SHB: variants seen among roughly 807,000 people sequenced by gnomAD.
SHB encodes SH2 domain-containing adapter protein B.
A neutral mutation model predicts 52.3 loss-of-function variants in SHB; 20 were observed. The ratio of observed to expected loss-of-function variants is 0.38; its 90% confidence interval spans 0.27 to 0.56. SHB has a LOEUF of 0.56. Ranked by LOEUF, SHB falls within the 20% of genes least tolerant of loss-of-function variation. The pLI is 0.71. For missense variants in SHB, 825 were observed against 723.3 expected, an observed-to-expected ratio of 1.14 and a Z score of -1.61; for synonymous variants, 397 against 316.5, an observed-to-expected ratio of 1.25 and a Z score of -2.70.
intron 5 of SHB, among the ~76,000 whole-genome samples, chr9:37,942,344 T>C (rs544179784): frequency 6.6e-6 from 1 of 152,340 alleles, no homozygotes; most frequent in Admixed American, 6.5e-5. Context: ...GGGACCTTCC[T>C]GCCATCCTTG....
chr9:38,054,154 C>A (rs1821783839), intron 1 of SHB, among the ~76,000 whole-genome samples: 1 of 152,190 alleles, frequency 6.6e-6, no homozygotes, highest in Admixed American at 6.5e-5. Flanking sequence ...GGACTTCCGA[C>A]CCTAAAGCCA....
chr9:37,928,639 C>G (rs1221830628), intron 5 of SHB, among the ~76,000 whole-genome samples: 6 of 152,232 alleles, frequency 3.9e-5, no homozygotes, highest in Admixed American at 2.0e-4. Context: ...ACGGCCAGTG[C>G]CTCAAATTCT....
intron 1 of SHB, among the ~76,000 whole-genome samples, chr9:38,063,804 T>G (rs1034284329): frequency 6.6e-6 from 1 of 151,992 alleles, no homozygotes; most frequent in Non-Finnish European, 1.5e-5. Context: ...TGTTTTTTTT[T>G]TTTTTTTTTT....
Position 38,068,007 on chromosome 9 carries a change from C to T in SHB, c.639G>A (p.Thr213=), listed in dbSNP as rs761954705. 2.6e-6 allele frequency: 4 copies of T among 1,525,810 alleles called. No individual in the cohort carries two copies. Among genetic ancestry groups the T allele is most frequent in the Admixed American group, 2.0e-5 (1 of 49,492 alleles). The allele number at this position is 1,525,810 out of a possible 1,614,324, so 94.5% of individuals were successfully genotyped here. ...TGAGCAGTTTCTTGCCTCCGCAGGCCGTCGGGCTCCAGGTGCGGCCGCCCG... is the reference window on the plus strand; with the variant it reads ...TGAGCAGTTTCTTGCCTCCGCAGGCTGTCGGGCTCCAGGTGCGGCCGCCCG... ...ACAGGRTWSP[T]ACGGKKLLNK... The change falls in exon 1 of 6, where the codon ACG becomes ACA. Residue 213 remains threonine (T), a synonymous_variant. Transcript: ENST00000377707.
chr9:37,934,157 G>C (rs1832343022), intron 5 of SHB, among the ~76,000 whole-genome samples: 1 of 152,140 alleles, frequency 6.6e-6, no homozygotes, highest in African/African-American at 2.4e-5. Context: ...ACTCCTTTTT[G>C]GGGTCTGCGG....
chr9:38,032,816 A>G (rs1011716662), intron 1 of SHB, among the ~76,000 whole-genome samples: 2 of 152,348 alleles, frequency 1.3e-5, no homozygotes, highest in Admixed American at 1.3e-4. Flanking sequence ...AGTTGTCCCC[A>G]TGGAGAGGCC....
chr9:38,015,521 C>T (rs997316436), intron 2 of SHB: 1 of 698,456 alleles, frequency 1.4e-6, no homozygotes, highest in Non-Finnish European at 2.6e-6. Flanking sequence ...CTTCCAGCTC[C>T]AAAACAAAGA....
chr9:37,976,718 T>C (rs1468648504), intron 2 of SHB, among the ~76,000 whole-genome samples: 1 of 152,042 alleles, frequency 6.6e-6, no homozygotes, highest in Non-Finnish European at 1.5e-5. Context: ...GGAGCAGAGG[T>C]GAGCCTTGAT....
chr9:37,955,236 G>A (rs1461899415), intron 4 of SHB, among the ~76,000 whole-genome samples: 1 of 152,214 alleles, frequency 6.6e-6, no homozygotes, highest in Non-Finnish European at 1.5e-5. Context: ...TAAAAAGGAG[G>A]AGTGCACCCT....
chr9:38,068,012 G>C lies in SHB; in HGVS notation c.634C>G (p.Pro212Ala). The C allele has an allele frequency of 6.6e-7, 1 of 1,519,436 alleles. No individual in the cohort carries two copies. The highest frequency in any genetic ancestry group is 8.8e-7 in the Non-Finnish European group (1 of 1,142,072). The allele number at this position is 1,519,436 out of a possible 1,614,324, so 94.1% of individuals were successfully genotyped here. A position where few individuals can be genotyped will look rare whatever the true frequency, so the allele number is the denominator to read the frequency against. The part of the protein sequence containing the change: ...GACAGGRTWS[P>A]TACGGKKLLN... ...AGTTTCTTGCCTCCGCAGGCCGTCG[G>C]GCTCCAGGTGCGGCCGCCCGCGCAG... Residue 212 changes from proline (P) to alanine (A), a missense_variant, in exon 1 of 6, where the codon CCG (proline) becomes GCG (alanine). Physicochemically the swap from Pro to Ala is conservative, Grantham distance 27 (BLOSUM62 -1). Transcript: ENST00000377707.
At position 38,068,523 on chromosome 9, in the gene SHB, G is replaced by C. The variant is rs766680506; in HGVS notation, c.123C>G (p.Pro41=). Residue 41 remains proline (P), a synonymous_variant, in exon 1 of 6, where the codon CCC becomes CCG. Transcript: ENST00000377707. ...CGGAGGAGGCCTGCGGCACGGCCTGGGGGGGCTGCGAAGGCCGCTCGCCTC... is the reference window on the plus strand; with the variant it reads ...CGGAGGAGGCCTGCGGCACGGCCTGCGGGGGCTGCGAAGGCCGCTCGCCTC... ...RRRGERPSQP[P]QAVPQASSAA... 6 of 1,463,562 alleles carry C rather than the reference G, an allele frequency of 4.1e-6. No individual in the cohort carries two copies. The highest frequency in any genetic ancestry group is 4.5e-6 in the Non-Finnish European group (5 of 1,118,086). 90.7% of individuals were successfully genotyped at this position (1,463,562 alleles called of 1,614,324 possible). A position where few individuals can be genotyped will look rare whatever the true frequency, so the allele number is the denominator to read the frequency against.
At chr9:38,003,182 G>C in intron 2 of SHB, among the ~76,000 whole-genome samples, 1 of 152,098 alleles carries the variant, frequency 6.6e-6, no homozygotes, top group East Asian at 1.9e-4. Flanking sequence ...CTGGGGATGA[G>C]AGTGAGAAGG....
At chr9:37,954,786 G>A (rs1044723648) in intron 4 of SHB, among the ~76,000 whole-genome samples, 13 of 152,178 alleles carry the variant, frequency 8.5e-5, no homozygotes. Flanking sequence ...CTAGGGAGGT[G>A]GGACTTTATC....
intron 5 of SHB, among the ~76,000 whole-genome samples, chr9:37,931,603 A>G (rs1057245102): frequency 6.6e-6 from 1 of 152,254 alleles, no homozygotes; most frequent in Non-Finnish European, 1.5e-5. Flanking sequence ...AATGTTGGCG[A>G]GGATGCGGAA....
In SHB at chr9:38,002,536, G is replaced by A. The variant is rs374385105; in HGVS notation, c.838+13475C>T. Among the ~76,000 whole-genome samples, 18 of 152,216 alleles carry A rather than the reference G, an allele frequency of 1.2e-4. 1 individual carries two copies. Among genetic ancestry groups the A allele is most frequent in the African/African-American group, 4.3e-4 (18 of 41,532 alleles). ...AGAAGGCATCCTAGTGACTGGAAGG[G>A]GCCCTGGGCTAGGACTTCAGCTCAG... is the stretch of plus-strand genomic sequence containing the variant. On this transcript the variant is annotated intron_variant, in intron 2 of 5. Transcript: ENST00000377707.
At chr9:38,010,441 T>C (rs918190035) in intron 2 of SHB, among the ~76,000 whole-genome samples, 1 of 152,206 alleles carries the variant, frequency 6.6e-6, no homozygotes, top group Non-Finnish European at 1.5e-5. Context: ...AGTCTCTACA[T>C]GCTCTTGCCC....
intron 2 of SHB, among the ~76,000 whole-genome samples, chr9:37,987,733 A>G (rs1479391350): frequency 6.6e-6 from 1 of 152,166 alleles, no homozygotes; most frequent in East Asian, 1.9e-4. Context: ...CTGGGAGGAA[A>G]GCCTGGGGTG....
At chr9:38,048,344 A>T (rs929925990) in intron 1 of SHB, among the ~76,000 whole-genome samples, 1 of 152,196 alleles carries the variant, frequency 6.6e-6, no homozygotes, top group African/African-American at 2.4e-5. Flanking sequence ...TCCTGCGTTT[A>T]AAAAAGTATT....
At chr9:38,036,838 C>A (rs1821495560) in intron 1 of SHB, among the ~76,000 whole-genome samples, 1 of 152,160 alleles carries the variant, frequency 6.6e-6, no homozygotes, top group African/African-American at 2.4e-5. Context: ...CTCATATTGT[C>A]CCCATTTTAC....
Sources: gnomAD v4.1 joint callset for allele counts (sites outside exome capture counted in the v4.1 genomes callset) on GRCh38, gnomAD v4.1.1 for gene constraint, MANE v1.5 for transcripts, NCBI Gene and HGNC (gene_info 2026-07-23, HGNC 2026-07-21) for gene names.